Variants in THSD4 observed in about 807,000 individuals in gnomAD.
The protein encoded by THSD4 is thrombospondin type 1 domain containing 4, also known as thrombospondin type-1 domain-containing protein 4.
In THSD4, 69 loss-of-function variants were observed where a neutral mutation model predicts 119.0. The observed-to-expected ratio is 0.58, with a 90% confidence interval of 0.48 to 0.71. The LOEUF (loss-of-function observed/expected upper bound fraction) is 0.71. Ranked by LOEUF, THSD4 falls within the 30% of genes least tolerant of loss-of-function variation. THSD4 has a pLI of 0.00. For missense variants in THSD4, 1,393 were observed against 1,391.1 expected, an observed-to-expected ratio of 1.00 and a Z score of -0.02; for synonymous variants, 524 against 540.4, an observed-to-expected ratio of 0.97 and a Z score of 0.42.
chr15:71,330,432 A>G (rs1215898715), intron 6 of THSD4, among the ~76,000 whole-genome samples: 1 of 152,208 alleles, frequency 6.6e-6, no homozygotes, highest in East Asian at 1.9e-4. Flanking sequence ...TCGTCAGTAG[A>G]GGATGCTCTC....
chr15:71,204,183 C>A (rs34078830), intron 3 of THSD4, among the ~76,000 whole-genome samples: 5,279 of 152,208 alleles, frequency 0.035, 125 homozygotes, highest in Non-Finnish European at 0.047. Context: ...AGGCACATGC[C>A]CTGTGTTATT....
intron 6 of THSD4, among the ~76,000 whole-genome samples, chr15:71,287,199 G>C (rs1469601336): frequency 6.6e-6 from 1 of 152,186 alleles, no homozygotes; most frequent in East Asian, 1.9e-4. Context: ...GGATGTAAAA[G>C]TACAGGAGTA....
chr15:71,246,872 A>G lies in THSD4; in HGVS notation c.912+3776A>G, dbSNP rs1276297203. 2.7e-5 allele frequency among the ~76,000 whole-genome samples: 4 copies of G among 150,426 alleles called. No individual in the cohort carries two copies. In the South Asian group the frequency reaches 8.4e-4, roughly 32 times the overall value. On this transcript the variant is annotated intron_variant, in intron 5 of 17. Transcript: ENST00000261862. The stretch of plus-strand genomic sequence containing the variant: ...CTGTATGTGATGGACGCAAGACTCA[A>G]TCTGGTCCAAAGTCTTTTTTTTTTT...
chr15:71,454,947 C>A (rs1301045294), intron 7 of THSD4, among the ~76,000 whole-genome samples: 2 of 152,214 alleles, frequency 1.3e-5, no homozygotes, highest in Non-Finnish European at 2.9e-5. Context: ...CTGTGGGACC[C>A]CTGCTACAGC....
At chr15:71,150,660 C>A (rs938414165) in intron 2 of THSD4, among the ~76,000 whole-genome samples, 2 of 152,308 alleles carry the variant, frequency 1.3e-5, no homozygotes, top group African/African-American at 4.8e-5. Context: ...ACTTTTGTAA[C>A]AAGAGGCACC....
intron 7 of THSD4, among the ~76,000 whole-genome samples, chr15:71,533,212 G>A (rs1351298550): frequency 1.3e-5 from 2 of 152,160 alleles, no homozygotes; most frequent in African/African-American, 2.4e-5. Flanking sequence ...TTCTTATTAC[G>A]TAAGTATTGT....
At chr15:71,526,443 G>A (rs1249752851) in intron 7 of THSD4, among the ~76,000 whole-genome samples, 2 of 152,094 alleles carry the variant, frequency 1.3e-5, no homozygotes, top group East Asian at 1.9e-4. Flanking sequence ...AAATGCAGTC[G>A]TTTTGGCAGT....
At chr15:71,604,667 C>T (rs2050074334) in intron 7 of THSD4, among the ~76,000 whole-genome samples, 1 of 151,974 alleles carries the variant, frequency 6.6e-6, no homozygotes, top group Admixed American at 6.6e-5. Context: ...TAGAGGAGCC[C>T]AAGGAAAGTT....
chr15:71,458,881 A>G (rs1023992708), intron 7 of THSD4, among the ~76,000 whole-genome samples: 30 of 152,282 alleles, frequency 2.0e-4, no homozygotes, highest in African/African-American at 5.3e-4. Context: ...TTAAAAACAA[A>G]AACTTATTTA....
At chr15:71,573,901 CA>C (rs1452477664) in intron 7 of THSD4, among the ~76,000 whole-genome samples, 1 of 152,298 alleles carries the variant, frequency 6.6e-6, no homozygotes, top group Admixed American at 6.5e-5. Context: ...GTGTCTAGGA[CA>C]AGCAAGGATT....
intron 7 of THSD4, among the ~76,000 whole-genome samples, chr15:71,547,031 A>G (rs1466446717): frequency 2.6e-5 from 4 of 152,300 alleles, no homozygotes; most frequent in African/African-American, 9.6e-5. Flanking sequence ...TGGACGAGGT[A>G]GGGGCTGTCC....
At chr15:71,579,113 G>T (rs1048921858) in intron 7 of THSD4, among the ~76,000 whole-genome samples, 13 of 152,288 alleles carry the variant, frequency 8.5e-5, no homozygotes, top group African/African-American at 3.1e-4. Context: ...AAAGTGCTGG[G>T]ATTACAGGCG....
At chr15:71,336,520 G>A (rs1031029) in intron 6 of THSD4, among the ~76,000 whole-genome samples, 34,213 of 152,110 alleles carry the variant, frequency 0.22, 4,646 homozygotes, top group African/African-American at 0.39. Context: ...AGAATGTTTG[G>A]AGTTATCACT....
intron 7 of THSD4, among the ~76,000 whole-genome samples, chr15:71,460,806 C>G (rs145212866): frequency 8.7e-4 from 133 of 152,230 alleles, no homozygotes; most frequent in African/African-American, 3.1e-3. Context: ...TCATTGCAGT[C>G]CTGGAAAGAC....
chr15:71,473,030 CT>C (rs1201259201), intron 7 of THSD4, among the ~76,000 whole-genome samples: 1 of 144,698 alleles, frequency 6.9e-6, no homozygotes, highest in Admixed American at 6.9e-5. Context: ...GTTACCAAGT[CT>C]TTTTGACTGT....
In THSD4 at chr15:71,575,898, C is replaced by G. The variant is rs535384937; in HGVS notation, c.1153-84632C>G. 2.6e-5 allele frequency among the ~76,000 whole-genome samples: 4 copies of G among 152,324 alleles called. 1 individual carries two copies. Among genetic ancestry groups the G allele is most frequent in the African/African-American group, 9.6e-5 (4 of 41,578 alleles). On this transcript the variant is annotated intron_variant, in intron 7 of 17. Transcript: ENST00000261862. ...CCTGCAAGATACTTACAATCTAGGT[C>G]AGAGGTTCCTAAATCCTTCTCAATG... is the stretch of plus-strand genomic sequence containing the variant.
intron 7 of THSD4, among the ~76,000 whole-genome samples, chr15:71,451,239 G>C (rs918163045): frequency 8.5e-5 from 13 of 152,270 alleles, no homozygotes; most frequent in African/African-American, 3.1e-4. Context: ...GGGTGAGTCA[G>C]GGAACTGTAT....
chr15:71,482,572 G>A (rs2047750038), intron 7 of THSD4, among the ~76,000 whole-genome samples: 1 of 151,310 alleles, frequency 6.6e-6, no homozygotes, highest in Admixed American at 6.6e-5. Context: ...TTATAGGCAT[G>A]AGCCACCGTG....
At chr15:71,219,200 T>G (rs562698114) in intron 4 of THSD4, among the ~76,000 whole-genome samples, 1 of 152,272 alleles carries the variant, frequency 6.6e-6, no homozygotes, top group East Asian at 1.9e-4. Context: ...GTTAGAATTT[T>G]TTTTCCCATC....
Sources: allele counts gnomAD v4.1 joint callset (sites outside exome capture counted in the v4.1 genomes callset), GRCh38; gene constraint gnomAD v4.1.1; transcripts MANE v1.5; gene names NCBI Gene and HGNC (gene_info 2026-07-23, HGNC 2026-07-21).